The following COL24A1 variants were observed in gnomAD, a reference collection of about 807,000 sequenced individuals.
COL24A1 encodes collagen type XXIV alpha 1 chain.
Under a neutral mutation model 253.9 loss-of-function variants are expected in COL24A1, and 224 were observed. The observed-to-expected ratio is 0.88, with a 90% CI of 0.79 to 0.99. The LOEUF is 0.99. Ranked by LOEUF, COL24A1 falls within the 50% of genes least tolerant of loss-of-function variation. The pLI is 0.00. For synonymous variants in COL24A1, 685 were observed against 673.7 expected, an observed-to-expected ratio of 1.02 and a Z score of -0.26; for missense variants, 2,131 against 2,068.5, an observed-to-expected ratio of 1.03 and a Z score of -0.59.
At chr1:85,852,993 AG>A (rs1163958706) in intron 37 of COL24A1, among the ~76,000 whole-genome samples, 8 of 152,128 alleles carry the variant, frequency 5.3e-5, no homozygotes, top group Non-Finnish European at 7.4e-5. Flanking sequence ...TTTAGGTTCA[AG>A]GGGTACATGT....
rs141827930 is a variant in COL24A1, at chr1:85,875,716, GACACACACACACACAC to G, written c.3031-402_3031-387del. On this transcript the variant is annotated intron_variant, in intron 33 of 59. Transcript: ENST00000370571. ...AGATAAATTTATTCACATTATAAAA[GACACACACACACACAC>G]ACACACACACACACACACACACACA... is the stretch of plus-strand genomic sequence containing the variant. 1.6e-3 allele frequency among the ~76,000 whole-genome samples: 225 copies of G among 141,106 alleles called. 1 individual carries two copies. Among genetic ancestry groups the G allele is most frequent in the African/African-American group, 5.0e-3 (186 of 36,838 alleles). The allele number at this position is 141,106 out of a possible 152,430, so 92.6% of individuals were successfully genotyped here. A position where few individuals can be genotyped will look rare whatever the true frequency, so the allele number is the denominator to read the frequency against.
chr1:85,803,768 T>C (rs1464515268), intron 47 of COL24A1, among the ~76,000 whole-genome samples: 1 of 152,192 alleles, frequency 6.6e-6, no homozygotes, highest in Non-Finnish European at 1.5e-5. Flanking sequence ...GATATTCTAC[T>C]AGACAATCAT....
intron 37 of COL24A1, among the ~76,000 whole-genome samples, chr1:85,854,528 G>A (rs1397619244): frequency 3.9e-5 from 6 of 151,986 alleles, no homozygotes; most frequent in Non-Finnish European, 5.9e-5. Flanking sequence ...TGATAGGACT[G>A]GCATTGAGTC....
At chr1:85,804,203 TGAA>T (rs751917750) in intron 47 of COL24A1, among the ~76,000 whole-genome samples, 13 of 152,140 alleles carry the variant, frequency 8.5e-5, no homozygotes, top group Non-Finnish European at 1.5e-4. Flanking sequence ...ACAAAAATGA[TGAA>T]GGAGAGGAGT....
intron 45 of COL24A1, 116 bp downstream of exon 45, chr1:85,823,420 A>G (rs946326232): frequency 3.3e-5 from 31 of 951,102 alleles, no homozygotes; most frequent in South Asian, 2.2e-4. Context: ...ATAGTGATCC[A>G]TATTCTACAG....
intron 52 of COL24A1, among the ~76,000 whole-genome samples, chr1:85,776,316 A>C (rs1475403156): frequency 6.6e-6 from 1 of 152,146 alleles, no homozygotes; most frequent in African/African-American, 2.4e-5. Context: ...CTATGACCTC[A>C]GTTCTTTTAC....
At chr1:85,896,469 G>T in intron 28 of COL24A1, 60 bp from the exon 29 acceptor site, 1 of 1,360,280 alleles carries the variant, frequency 7.4e-7, no homozygotes, top group Non-Finnish European at 1.0e-6. Context: ...TTTCTTAACA[G>T]TTATGTGTCC....
chr1:86,081,623 A>G (rs1702648933), intron 7 of COL24A1, among the ~76,000 whole-genome samples: 1 of 152,182 alleles, frequency 6.6e-6, no homozygotes, highest in African/African-American at 2.4e-5. Flanking sequence ...TCTGTACATG[A>G]TTGAAGAATC....
chr1:86,022,201 C>T (rs374852824), intron 18 of COL24A1, 39 bp downstream of exon 18: 90 of 1,552,632 alleles, frequency 5.8e-5, no homozygotes, highest in Non-Finnish European at 7.6e-5. Context: ...GACATGCACT[C>T]TGTCAATTAC....
chr1:86,072,845 G>C (rs1266052338), intron 7 of COL24A1, among the ~76,000 whole-genome samples: 1 of 152,108 alleles, frequency 6.6e-6, no homozygotes, highest in Non-Finnish European at 1.5e-5. Context: ...AGGCAAACAG[G>C]GTCTGGAGTG....
chr1:85,732,429 C>A (rs1181973124), intron 59 of COL24A1, among the ~76,000 whole-genome samples: 1 of 151,842 alleles, frequency 6.6e-6, no homozygotes, highest in Non-Finnish European at 1.5e-5. Context: ...CGGGGTTTCA[C>A]CGTGTTAGCC....
At chr1:86,151,893 T>C (rs1290285730) in intron 1 of COL24A1, among the ~76,000 whole-genome samples, 1 of 152,214 alleles carries the variant, frequency 6.6e-6, no homozygotes, top group Non-Finnish European at 1.5e-5. Flanking sequence ...GGCCTTCTTT[T>C]AAACCAATTG....
chr1:85,861,074 G>A (rs1256159388), intron 37 of COL24A1, among the ~76,000 whole-genome samples: 13 of 152,100 alleles, frequency 8.5e-5, no homozygotes, highest in Non-Finnish European at 1.8e-4. Context: ...TTGCAGAACC[G>A]CCAAACTGGT....
intron 7 of COL24A1, among the ~76,000 whole-genome samples, chr1:86,085,860 A>T (rs897159955): frequency 1.3e-5 from 2 of 152,220 alleles, no homozygotes; most frequent in African/African-American, 4.8e-5. Context: ...ATGGGAATGG[A>T]TGGATAAAAG....
chr1:85,825,484 C>G lies in COL24A1; in HGVS notation c.3682-1746G>C, dbSNP rs146847283. ...AAATGATATTTGTAGTTCTAGATCCCTGAGGAATCACCACACTGACTCCCA... is the reference window on the plus strand; with the variant it reads ...AAATGATATTTGTAGTTCTAGATCCGTGAGGAATCACCACACTGACTCCCA... On this transcript the variant is annotated intron_variant, in intron 43 of 59. Coordinates refer to ENST00000370571, the MANE Select transcript of COL24A1 (RefSeq NM_152890.7). Among the ~76,000 whole-genome samples, 1,415 of 152,274 alleles carry G rather than the reference C, an allele frequency of 9.3e-3. 61 individuals are homozygous for G. The highest frequency in any genetic ancestry group is 0.066 in the Admixed American group (1,010 of 15,294).
chr1:86,013,829 G>C (rs601167), intron 19 of COL24A1, among the ~76,000 whole-genome samples: 47,315 of 151,954 alleles, frequency 0.31, 7,883 homozygotes, highest in Middle Eastern at 0.51. Flanking sequence ...GAGTGAAACT[G>C]TGTCTCAAAA....
At chr1:85,882,557 C>T (rs1681985879) in intron 32 of COL24A1, among the ~76,000 whole-genome samples, 1 of 151,566 alleles carries the variant, frequency 6.6e-6, no homozygotes, top group African/African-American at 2.4e-5. Flanking sequence ...GGTGAGTGTT[C>T]CATGTCAGTT....
Position 85,743,403 on chromosome 1 carries a change from A to G in COL24A1, c.4672+1263T>C, listed in dbSNP as rs113241294. Among the ~76,000 whole-genome samples the G allele has an allele frequency of 1.1e-3, 165 of 152,150 alleles. 1 individual carries two copies. Among genetic ancestry groups the G allele is most frequent in the African/African-American group, 3.8e-3 (156 of 41,504 alleles). On this transcript the variant is annotated intron_variant, in intron 57 of 59. Transcript: ENST00000370571. ...TGCTCTCTTACCTCCTTCTGATATC[A>G]CCCAAGTGTCACATTCTCATAGATG...
chr1:86,017,212 G>A lies in COL24A1; in HGVS notation c.2257-8C>T, dbSNP rs757339745. On this transcript the variant is annotated splice_polypyrimidine_tract_variant and splice_region_variant and intron_variant, in intron 18 of 59. Coordinates refer to ENST00000370571, the MANE Select transcript of COL24A1 (RefSeq NM_152890.7). ...TGGGTCACCTGTTTGGCCCTAAAAT[G>A]GGGGGGGAGGATCAAAGTATAAACA... is the stretch of plus-strand genomic sequence containing the variant. 2.6e-5 allele frequency: 39 copies of A among 1,528,832 alleles called. No individual in the cohort carries two copies. Among genetic ancestry groups the A allele is most frequent in the South Asian group, 8.7e-5 (7 of 80,730 alleles). The allele number at this position is 1,528,832 out of a possible 1,614,324, so 94.7% of individuals were successfully genotyped here. A position where few individuals can be genotyped will look rare whatever the true frequency, so the allele number is the denominator to read the frequency against.
Sources: allele counts gnomAD v4.1 joint callset (sites outside exome capture counted in the v4.1 genomes callset), GRCh38; gene constraint gnomAD v4.1.1; transcripts MANE v1.5; gene names NCBI Gene and HGNC (gene_info 2026-07-23, HGNC 2026-07-21).